KSR2: variants seen among roughly 807,000 people sequenced by gnomAD.
The protein encoded by KSR2 is kinase suppressor of ras 2.
Under a neutral mutation model 107.8 loss-of-function variants are expected in KSR2, and 25 were observed. The observed-to-expected ratio is 0.23, with a 90% CI of 0.17 to 0.32. The LOEUF is 0.32. Ranked by LOEUF, KSR2 falls within the 10% of genes least tolerant of loss-of-function variation. The pLI, the probability that KSR2 is intolerant of heterozygous loss-of-function variation, is 1.00. For synonymous variants in KSR2, 480 were observed against 507.0 expected (o/e 0.95, Z 0.71); for missense variants, 887 against 1,268.9 (o/e 0.70, Z 4.57).
intron 5 of KSR2, among the ~76,000 whole-genome samples, chr12:117,653,776 A>G (rs1280189338): frequency 6.6e-6 from 1 of 152,226 alleles, no homozygotes; most frequent in Non-Finnish European, 1.5e-5. Context: ...GAGGCAACAC[A>G]TTCCTCATTT....
intron 4 of KSR2, among the ~76,000 whole-genome samples, chr12:117,717,530 A>G (rs1234673326): frequency 6.6e-6 from 1 of 152,104 alleles, no homozygotes; most frequent in Admixed American, 6.5e-5. Flanking sequence ...AAAATAAAAC[A>G]TAAAAATTAA....
intron 9 of KSR2, among the ~76,000 whole-genome samples, chr12:117,549,291 C>T (rs369244445): frequency 6.6e-6 from 1 of 152,122 alleles, no homozygotes; most frequent in African/African-American, 2.4e-5. Context: ...TGAGGTTTTT[C>T]AAGAAAGCTG....
intron 12 of KSR2, among the ~76,000 whole-genome samples, chr12:117,527,754 T>C (rs1875308941): frequency 6.6e-6 from 1 of 152,202 alleles, no homozygotes; most frequent in Non-Finnish European, 1.5e-5. Flanking sequence ...ATGTAGATAC[T>C]ATGCAGGGAG....
chr12:117,719,558 C>T (rs567098092), intron 4 of KSR2, among the ~76,000 whole-genome samples: 68 of 152,272 alleles, frequency 4.5e-4, no homozygotes, highest in Admixed American at 2.1e-3. Flanking sequence ...TGGCTTCCCC[C>T]TTTAGATGAG....
rs183489139 is a variant in KSR2, at chr12:117,668,369, G to C, written c.987-711C>G. On this transcript the variant is annotated intron_variant, in intron 4 of 19. Transcript: ENST00000339824. ...GGAGCCTCAGATGGTGCCCACCTTA[G>C]GAGTTCAGGAGGGAGGGTGCTCCAC... Among the ~76,000 whole-genome samples the C allele has an allele frequency of 8.7e-4, 133 of 152,306 alleles. 1 individual carries two copies. The highest frequency in any genetic ancestry group is 3.0e-3 in the African/African-American group (125 of 41,570).
intron 1 of KSR2, among the ~76,000 whole-genome samples, chr12:117,947,009 A>G (rs1197015072): frequency 6.8e-6 from 1 of 147,522 alleles, no homozygotes; most frequent in Non-Finnish European, 1.5e-5. Context: ...TACTAAAAAT[A>G]CAAAAAAAAA....
intron 4 of KSR2, among the ~76,000 whole-genome samples, chr12:117,679,910 C>G (rs1222187080): frequency 6.6e-6 from 1 of 152,164 alleles, no homozygotes; most frequent in Non-Finnish European, 1.5e-5. Flanking sequence ...CATTTATATA[C>G]ATATTGTCTG....
intron 3 of KSR2, among the ~76,000 whole-genome samples, chr12:117,816,029 GTGTGTGTGTGT>G: frequency 6.9e-6 from 1 of 145,182 alleles, no homozygotes; most frequent in Admixed American, 6.8e-5. Context: ...GTGTGTGTGT[GTGTGTGTGTGT>G]TGGGGAGGTG....
In KSR2 at chr12:117,520,929, C is replaced by T. The variant is rs894112176; in HGVS notation, c.2219+3923G>A. Among the ~76,000 whole-genome samples the T allele has an allele frequency of 4.6e-5, 7 of 152,056 alleles. 1 individual carries two copies. The South Asian group carries it at 8.3e-4, about 18-fold the overall frequency. On this transcript the variant is annotated intron_variant, in intron 14 of 19. Transcript: ENST00000339824. ...GCATCTAGTGAGTAGAGGCCAGGGA[C>T]GCTGCCAAACATCCTACAGTCCCCA...
chr12:117,805,780 G>C lies in KSR2; in HGVS notation c.473-44256C>G, dbSNP rs563169052. Among the ~76,000 whole-genome samples the C allele has an allele frequency of 2.6e-5, 4 of 152,274 alleles. No homozygotes were observed. The South Asian group carries it at 6.2e-4, about 24-fold the overall frequency. On this transcript the variant is annotated intron_variant, in intron 3 of 19. Transcript: ENST00000339824. ...GCAGATCACTTGAGGTCGGGAGTTC[G>C]AGACCAGCCTGGCCAACATGGCGAA...
At chr12:117,652,992 A>G (rs886492557) in intron 5 of KSR2, among the ~76,000 whole-genome samples, 3 of 152,202 alleles carry the variant, frequency 2.0e-5, no homozygotes, top group African/African-American at 7.2e-5. Context: ...GGAAAGGCCA[A>G]ATGGAAGCCA....
At chr12:117,880,698 G>A (rs1401741968) in intron 1 of KSR2, among the ~76,000 whole-genome samples, 3 of 144,782 alleles carry the variant, frequency 2.1e-5, no homozygotes, top group African/African-American at 7.7e-5. Context: ...TTTTATGACA[G>A]AATTTTGCCA....
chr12:117,818,706 G>A (rs1177600230), intron 3 of KSR2, among the ~76,000 whole-genome samples: 1 of 152,162 alleles, frequency 6.6e-6, no homozygotes, highest in East Asian at 1.9e-4. Flanking sequence ...TGTGGCTAGA[G>A]GAGGAGGAAC....
chr12:117,628,150 C>A (rs1882619517), intron 5 of KSR2, among the ~76,000 whole-genome samples: 1 of 152,182 alleles, frequency 6.6e-6, no homozygotes, highest in Admixed American at 6.5e-5. Flanking sequence ...ATTCGAACAT[C>A]CTCCTTTAGC....
intron 7 of KSR2, among the ~76,000 whole-genome samples, chr12:117,574,401 G>C (rs1879127056): frequency 6.6e-6 from 1 of 152,028 alleles, no homozygotes; most frequent in Non-Finnish European, 1.5e-5. Context: ...CTGAGACTGG[G>C]TAATTTATAA....
intron 1 of KSR2, among the ~76,000 whole-genome samples, chr12:117,966,623 G>GCACACA (rs71099095): frequency 0.013 from 1,893 of 143,146 alleles, 18 homozygotes; most frequent in South Asian, 0.034. Flanking sequence ...ACACGCGCAC[G>GCACACA]CACACACACA....
intron 7 of KSR2, among the ~76,000 whole-genome samples, chr12:117,573,126 T>A (rs1403156121): frequency 6.6e-6 from 1 of 152,194 alleles, no homozygotes; most frequent in Admixed American, 6.5e-5. Context: ...AATCTCTCTA[T>A]TCAGAATGCC....
At chr12:117,553,978 C>T (rs1185692593) in intron 9 of KSR2, among the ~76,000 whole-genome samples, 2 of 152,154 alleles carry the variant, frequency 1.3e-5, no homozygotes, top group Non-Finnish European at 1.5e-5. Flanking sequence ...TGGTGTCAGG[C>T]TTCTTGTACG....
chr12:117,536,679 T>TTG (rs1555213674), intron 10 of KSR2, among the ~76,000 whole-genome samples: 1 of 152,202 alleles, frequency 6.6e-6, no homozygotes, highest in Non-Finnish European at 1.5e-5. Context: ...ATGGATATCT[T>TTG]TCCATGTCAG....
Sources: allele counts gnomAD v4.1 joint callset (sites outside exome capture counted in the v4.1 genomes callset), GRCh38; gene constraint gnomAD v4.1.1; transcripts MANE v1.5; gene names NCBI Gene and HGNC (gene_info 2026-07-23, HGNC 2026-07-21).